The following MED1 variants were observed in gnomAD, a reference collection of about 807,000 sequenced individuals.
The protein encoded by MED1 is mediator complex subunit 1.
A neutral mutation model predicts 121.3 loss-of-function variants in MED1; 17 were observed. The ratio of observed to expected loss-of-function variants is 0.14; its 90% CI spans 0.10 to 0.21. The LOEUF is 0.21. Among genes scored for constraint, MED1 ranks in the 10% least tolerant of loss-of-function variants. MED1 has a pLI of 1.00. For missense variants in MED1, 1,558 were observed against 1,919.4 expected (o/e 0.81, Z 3.52); for synonymous variants, 661 against 694.4 (o/e 0.95, Z 0.76).
At chr17:39,428,075 C>T (rs565944468) in intron 9 of MED1, among the ~76,000 whole-genome samples, 2 of 151,944 alleles carry the variant, frequency 1.3e-5, no homozygotes, top group African/African-American at 2.4e-5. Context: ...ATAGGCCGGG[C>T]GCGATGGCTA....
Position 39,408,553 on chromosome 17 carries a change from G to C in MED1, c.3668C>G (p.Ser1223Cys). 6.2e-7 allele frequency: 1 copy of C among 1,614,208 alleles called. No individual in the cohort carries two copies. The highest frequency in any genetic ancestry group is 1.3e-5 in the African/African-American group (1 of 75,048). The change falls in exon 17 of 17, where the codon TCC (serine) becomes TGC (cysteine). Residue 1223 changes from serine to cysteine, a missense_variant. Ser to Cys is a moderately radical substitution (Grantham distance 112, BLOSUM62 -1). Around this residue, in one of 5 missense-constraint regions of MED1, gnomAD observed 793 missense variants for 898.2 expected, o/e 0.88. Transcript: ENST00000300651. The surrounding 1 kb of genome is among the most constrained non-coding windows in gnomAD (Gnocchi z 4.7). ...PGTPPSSKAK[S>C]PISSGSGGSH... is the part of the protein sequence containing the mutation. ...ACCACCAGAACCTGAACTGATAGGG[G>C]ACTTGGCTTTAGAGGATGGAGGAGT... is the stretch of plus-strand genomic sequence containing the variant.
chr17:39,421,507 G>A (rs1459244035), intron 13 of MED1, among the ~76,000 whole-genome samples: 1 of 151,880 alleles, frequency 6.6e-6, no homozygotes, highest in Non-Finnish European at 1.5e-5. Flanking sequence ...CCGAGATCGC[G>A]CCACTGCACT....
chr17:39,405,877 C>T lies in MED1; in HGVS notation c.*1598G>A, dbSNP rs1369034742. On this transcript the variant is annotated 3_prime_UTR_variant, in exon 17 of 17. Transcript: ENST00000300651. ...TCTTCCATATATGATGAAGTCACTC[C>T]ACTTACGACATAACACACAAAGGAA... 7.1e-6 allele frequency: 7 copies of T among 985,692 alleles called. No individual in the cohort carries two copies. Among genetic ancestry groups the T allele is most frequent in the Non-Finnish European group, 8.4e-6 (7 of 830,164 alleles). 61.1% of individuals were successfully genotyped at this position (985,692 alleles called of 1,614,324 possible). A position where few individuals can be genotyped will look rare whatever the true frequency, so the allele number is the denominator to read the frequency against.
chr17:39,413,305 C>T (rs1024240661), intron 16 of MED1, among the ~76,000 whole-genome samples: 1 of 152,254 alleles, frequency 6.6e-6, no homozygotes, highest in East Asian at 1.9e-4. Flanking sequence ...CTCTATCACC[C>T]AGGCTAAAGA....
rs573326370 is a variant in MED1 at position 39,451,226 on chromosome 17, G to A, written c.-164C>T. 5 of 723,018 alleles carry A rather than the reference G, an allele frequency of 6.9e-6. No individual in the cohort carries two copies. Among genetic ancestry groups the A allele is most frequent in the Middle Eastern group, 2.8e-4 (1 of 3,554 alleles). 44.8% of individuals were successfully genotyped at this position (723,018 alleles called of 1,614,324 possible). A position where few individuals can be genotyped will look rare whatever the true frequency, so the allele number is the denominator to read the frequency against. On this transcript the variant is annotated 5_prime_UTR_variant, in exon 1 of 17. Transcript: ENST00000300651. ...AGTCCCCGGCGGCAAGAAGAGAAGG[G>A]TGCTCGAGGCCGCCGCCATCTTCCC...
chr17:39,424,599 T>G, intron 11 of MED1, 28 bp downstream of exon 11: 1 of 1,451,272 alleles, frequency 6.9e-7, no homozygotes, highest in Non-Finnish European at 9.5e-7. Context: ...AAATTGACTT[T>G]GCTACTCTAA....
intron 14 of MED1, among the ~76,000 whole-genome samples, chr17:39,415,574 G>A (rs112808410): frequency 0.017 from 2,600 of 152,174 alleles, 75 homozygotes; most frequent in African/African-American, 0.058. Flanking sequence ...ACTTTGAGAG[G>A]CTGAGGTGGG....
intron 3 of MED1, among the ~76,000 whole-genome samples, chr17:39,441,764 ACT>A (rs1486472506): frequency 6.6e-6 from 1 of 151,972 alleles, no homozygotes; most frequent in Non-Finnish European, 1.5e-5. Flanking sequence ...ACACAGCGAC[ACT>A]CTGTCTCAAA....
rs1168575948 is a variant in MED1, at chr17:39,408,736, C to A, written c.3485G>T (p.Gly1162Val). ...GGTGCTGCTAGAGCCACTGCTCAGT[C>A]CATGCTTGGTTATGGGAGAGGAGCC... ...KPGSSPITKH[G>V]LSSGSSSTKM... The change falls in exon 17 of 17, where the codon GGA becomes GTA. Residue 1162 changes from glycine to valine, a missense_variant. Transcript: ENST00000300651. The surrounding 1 kb of genome is among the most constrained non-coding windows in gnomAD (Gnocchi z 4.7). 4 of 1,614,076 alleles carry A rather than the reference C, an allele frequency of 2.5e-6. No homozygotes were observed. The South Asian group carries it at 4.4e-5, about 18-fold the overall frequency.
rs1395796124 is a variant in MED1, at chr17:39,408,742, T to G, written c.3479A>C (p.Lys1160Thr). 2 of 1,614,206 alleles carry G rather than the reference T, an allele frequency of 1.2e-6. No individual in the cohort carries two copies. The highest frequency in any genetic ancestry group is 3.3e-5 in the Admixed American group (2 of 60,020). The change falls in exon 17 of 17, where the codon AAG becomes ACG. Residue 1160 changes from lysine (K) to threonine (T), a missense_variant. Lys to Thr is a moderately conservative substitution (Grantham distance 78). Around this residue, in one of 5 missense-constraint regions of MED1, gnomAD observed 793 missense variants for 898.2 expected, o/e 0.88. Transcript: ENST00000300651. The surrounding 1 kb of genome is among the most constrained non-coding windows in gnomAD (Gnocchi z 4.7). ...GCTAGAGCCACTGCTCAGTCCATGC[T>G]TGGTTATGGGAGAGGAGCCTGGCTT... ...GGKPGSSPIT[K>T]HGLSSGSSST...
At position 39,407,211 on chromosome 17, in the gene MED1, C is replaced by A. The variant is rs1026902155; in HGVS notation, c.*264G>T. ...CCTCTCCCTACACCCCTCCCACCCC[C>A]CTCCCTTTCTTAAGCAAGTATTTTA... On this transcript the variant is annotated 3_prime_UTR_variant, in exon 17 of 17. Transcript: ENST00000300651. 2 of 219,526 alleles carry A rather than the reference C, an allele frequency of 9.1e-6. No homozygotes were observed. Among genetic ancestry groups the A allele is most frequent in the Non-Finnish European group, 1.3e-5 (2 of 149,156 alleles). 13.6% of individuals were successfully genotyped at this position (219,526 alleles called of 1,614,324 possible).
chr17:39,411,327 A>G (rs1387519321), intron 16 of MED1, among the ~76,000 whole-genome samples: 1 of 151,826 alleles, frequency 6.6e-6, no homozygotes, highest in Non-Finnish European at 1.5e-5. Flanking sequence ...CAAAAAAAAA[A>G]ATGCCTCCTT....
At chr17:39,418,085 CAAAAAA>C (rs760116991) in intron 14 of MED1, among the ~76,000 whole-genome samples, 3 of 55,638 alleles carry the variant, frequency 5.4e-5, no homozygotes, top group Middle Eastern at 0.032. Context: ...GACTCCGTCT[CAAAAAA>C]AAAAAAAAAA....
rs967326479 is a variant in MED1 at position 39,407,398 on chromosome 17, C to G, written c.*77G>C. ...ACCAAATCAGACCTGTCTGACTCAC[C>G]CCTTATGGTGGTTTGCCTATAAACT... On this transcript the variant is annotated 3_prime_UTR_variant, in exon 17 of 17. Transcript: ENST00000300651. 6.7e-7 allele frequency: 1 copy of G among 1,486,700 alleles called. No homozygotes were observed. Among genetic ancestry groups the G allele is most frequent in the African/African-American group, 1.4e-5 (1 of 71,200 alleles). 92.1% of individuals were successfully genotyped at this position (1,486,700 alleles called of 1,614,324 possible). A position where few individuals can be genotyped will look rare whatever the true frequency, so the allele number is the denominator to read the frequency against.
At position 39,408,817 on chromosome 17, in the gene MED1, T is replaced by C; in HGVS notation, c.3404A>G (p.Gln1135Arg). The C allele has an allele frequency of 2.5e-6, 4 of 1,614,064 alleles. No homozygotes were observed. The highest frequency in any genetic ancestry group is 2.5e-6 in the Non-Finnish European group (3 of 1,179,966). The change falls in exon 17 of 17, where the codon CAG becomes CGG. Residue 1135 changes from glutamine (Q) to arginine (R), a missense_variant. Transcript: ENST00000300651. The surrounding 1 kb of genome is among the most constrained non-coding windows in gnomAD (Gnocchi z 4.7). ...GGACTGGCTAGATCCAGAAGACCCC[T>C]GGCTAGAATACATACTGCTACTTAA... is the stretch of plus-strand genomic sequence containing the variant. ...SKLSSSMYSS[Q>R]GSSGSSQSKN...
chr17:39,448,542 T>C (rs934859765), intron 1 of MED1, among the ~76,000 whole-genome samples: 5 of 140,210 alleles, frequency 3.6e-5, no homozygotes, highest in African/African-American at 5.7e-5. Flanking sequence ...GAGGGAGACA[T>C]TGTGTCAAAA....
At chr17:39,413,450 T>A (rs910870438) in intron 16 of MED1, among the ~76,000 whole-genome samples, 1 of 152,080 alleles carries the variant, frequency 6.6e-6, no homozygotes, top group African/African-American at 2.4e-5. Flanking sequence ...TTTATAGAGA[T>A]GACATCTCAA....
intron 13 of MED1, among the ~76,000 whole-genome samples, chr17:39,421,866 C>T (rs114979107): frequency 6.6e-6 from 1 of 151,878 alleles, no homozygotes; most frequent in South Asian, 2.1e-4. Context: ...AGGTGGCTCA[C>T]GCCTGCAATC....
chr17:39,419,283 C>T (rs1262920695), intron 14 of MED1, among the ~76,000 whole-genome samples: 1 of 151,312 alleles, frequency 6.6e-6, no homozygotes, highest in African/African-American at 2.4e-5. Context: ...TGCCATGTTC[C>T]TCAGACCGAT....
Sources: allele counts gnomAD v4.1 joint callset (sites outside exome capture counted in the v4.1 genomes callset), GRCh38; gene constraint gnomAD v4.1.1; regional missense constraint gnomAD v4.1.1; non-coding constraint Gnocchi (gnomAD v3.1); transcripts MANE v1.5; gene names NCBI Gene and HGNC (gene_info 2026-07-23, HGNC 2026-07-21).